Variants in ADAM19 observed in about 807,000 individuals in gnomAD.
The protein encoded by ADAM19 is ADAM metallopeptidase domain 19.
Under a neutral mutation model 114.7 loss-of-function variants are expected in ADAM19, and 65 were observed. The observed-to-expected ratio is 0.57, with a 90% confidence interval of 0.46 to 0.70. The LOEUF is 0.70. ADAM19 is among the 30% of genes least tolerant of loss of function. ADAM19 has a pLI of 0.00. For synonymous variants in ADAM19, 466 were observed against 460.5 expected, an observed-to-expected ratio of 1.01 and a Z score of -0.15; for missense variants, 1,063 against 1,204.7, an observed-to-expected ratio of 0.88 and a Z score of 1.74.
chr5:157,481,004 T>C lies in ADAM19; in HGVS notation c.2704-2A>G, dbSNP rs191340251. 1.9e-6 allele frequency: 3 copies of C among 1,613,982 alleles called. No individual in the cohort carries two copies. ...CCTCTGTGATCTGTATTCTGGAAAC[T>C]GGGAAGAAAAAGAAGGGAGGGAGAG... is the stretch of plus-strand genomic sequence containing the variant. On this transcript the variant is annotated splice_acceptor_variant, in intron 22 of 22. Coordinates refer to ENST00000257527, the MANE Select transcript of ADAM19 (RefSeq NM_033274.5). LOFTEE classifies it high-confidence loss of function.
At chr5:157,543,993 C>T (rs1466600698) in intron 3 of ADAM19, among the ~76,000 whole-genome samples, 2 of 152,238 alleles carry the variant, frequency 1.3e-5, no homozygotes, top group Non-Finnish European at 2.9e-5. Flanking sequence ...CATCAGTACT[C>T]ATTCCACCTC....
intron 3 of ADAM19, among the ~76,000 whole-genome samples, chr5:157,557,571 G>C (rs1479154296): frequency 2.0e-5 from 3 of 152,136 alleles, no homozygotes; most frequent in Non-Finnish European, 4.4e-5. Flanking sequence ...AGTCCATTCT[G>C]GCTGCTATAA....
At chr5:157,526,173 TACACACAC>T (rs35119605) in intron 5 of ADAM19, among the ~76,000 whole-genome samples, 8 of 109,300 alleles carry the variant, frequency 7.3e-5, no homozygotes, top group South Asian at 6.3e-4. Context: ...TATATATATA[TACACACAC>T]ACACACACAC....
chr5:157,488,758 A>G (rs1377489509), intron 20 of ADAM19, among the ~76,000 whole-genome samples: 1 of 152,182 alleles, frequency 6.6e-6, no homozygotes, highest in Non-Finnish European at 1.5e-5. Context: ...GCGGCCGGGC[A>G]TGGTGGCTCA....
At chr5:157,518,460 C>T (rs570685476) in intron 7 of ADAM19, among the ~76,000 whole-genome samples, 1 of 152,332 alleles carries the variant, frequency 6.6e-6, no homozygotes, top group African/African-American at 2.4e-5. Context: ...TCTCAGCTCA[C>T]TGCAACCTCC....
Position 157,537,937 on chromosome 5 carries a change from A to C in ADAM19, c.306T>G (p.Pro102=). Residue 102 remains proline, a synonymous_variant, in exon 4 of 23, where the codon CCT becomes CCG. Coordinates refer to ENST00000257527, the MANE Select transcript of ADAM19 (RefSeq NM_033274.5). ...TETHYTSSGN[P]QTTTRKLEDH... is the part of the protein sequence containing the mutation. ...CCTCCAATTTCCGTGTGGTGGTTTG[A>C]GGGTTACCACTTGAAGTATAATGGG... The C allele has an allele frequency of 1.2e-6, 2 of 1,614,124 alleles. No homozygotes were observed. The highest frequency in any genetic ancestry group is 1.7e-6 in the Non-Finnish European group (2 of 1,179,998).
At chr5:157,517,346 C>T (rs1403979073) in intron 7 of ADAM19, among the ~76,000 whole-genome samples, 2 of 152,204 alleles carry the variant, frequency 1.3e-5, no homozygotes, top group Admixed American at 1.3e-4. Context: ...GAGACCAAGG[C>T]CAGTGTCTGC....
At chr5:157,529,187 G>T (rs373564241) in intron 5 of ADAM19, among the ~76,000 whole-genome samples, 1 of 152,132 alleles carries the variant, frequency 6.6e-6, no homozygotes, top group Non-Finnish European at 1.5e-5. Flanking sequence ...GTCTCACACT[G>T]AGCCTGTGTA....
At chr5:157,499,700 C>G in intron 12 of ADAM19, 38 bp from the exon 13 acceptor site, 2 of 1,395,940 alleles carry the variant, frequency 1.4e-6, no homozygotes, top group South Asian at 1.2e-5. Flanking sequence ...TGGGGGAGGG[C>G]CTTCACCACC....
intron 5 of ADAM19, among the ~76,000 whole-genome samples, chr5:157,520,645 A>C (rs1220828379): frequency 6.6e-6 from 1 of 152,198 alleles, no homozygotes; most frequent in Non-Finnish European, 1.5e-5. Context: ...ATGATAACTT[A>C]TCAAGACTAC....
At chr5:157,488,601 T>C in intron 20 of ADAM19, 112 bp from the exon 21 acceptor site, 1 of 835,876 alleles carries the variant, frequency 1.2e-6, no homozygotes, top group Non-Finnish European at 1.8e-6. Flanking sequence ...ACCAATCTAT[T>C]AAACCCCTGA....
At chr5:157,497,681 C>T (rs1755409696) in intron 13 of ADAM19, among the ~76,000 whole-genome samples, 1 of 152,144 alleles carries the variant, frequency 6.6e-6, no homozygotes, top group African/African-American at 2.4e-5. Flanking sequence ...AGGCACTGGG[C>T]TGAGTGTGTG....
At chr5:157,536,956 C>A (rs1466886040) in intron 4 of ADAM19, among the ~76,000 whole-genome samples, 1 of 152,198 alleles carries the variant, frequency 6.6e-6, no homozygotes, top group African/African-American at 2.4e-5. Context: ...CCCTTCTTCA[C>A]CCCCATCTCA....
intron 3 of ADAM19, among the ~76,000 whole-genome samples, chr5:157,549,214 AC>A (rs935966240): frequency 2.0e-5 from 3 of 152,194 alleles, no homozygotes; most frequent in African/African-American, 7.2e-5. Context: ...TACTTCCCTG[AC>A]CACATGGGTC....
intron 12 of ADAM19, 112 bp from the exon 13 acceptor site, chr5:157,499,774 T>C (rs989472761): frequency 1.1e-4 from 9 of 85,440 alleles, no homozygotes; most frequent in South Asian, 3.2e-4. Context: ...CAACTATCTC[T>C]TTTTTTTTTT....
chr5:157,515,861 G>A (rs761696709), intron 7 of ADAM19, among the ~76,000 whole-genome samples: 1 of 152,122 alleles, frequency 6.6e-6, no homozygotes, highest in Non-Finnish European at 1.5e-5. Flanking sequence ...GTTCCACCTG[G>A]GGAATGAATA....
intron 3 of ADAM19, among the ~76,000 whole-genome samples, chr5:157,552,650 G>C (rs1352490862): frequency 1.5e-5 from 2 of 136,764 alleles, no homozygotes; most frequent in African/African-American, 5.6e-5. Context: ...TTGCATTCCA[G>C]CCTGGGTGAC....
intron 5 of ADAM19, among the ~76,000 whole-genome samples, chr5:157,530,220 A>G (rs1488694497): frequency 8.5e-6 from 1 of 117,724 alleles, no homozygotes; most frequent in Non-Finnish European, 1.8e-5. Context: ...CTAGCCATTT[A>G]TTTTATGGGC....
At chr5:157,541,953 A>C (rs954354261) in intron 3 of ADAM19, among the ~76,000 whole-genome samples, 2 of 152,228 alleles carry the variant, frequency 1.3e-5, no homozygotes, top group Non-Finnish European at 2.9e-5. Context: ...AGACGAGCTC[A>C]GCATAGGCGA....
Sources: gnomAD v4.1 joint callset for allele counts (sites outside exome capture counted in the v4.1 genomes callset) on GRCh38, gnomAD v4.1.1 for gene constraint, MANE v1.5 for transcripts, NCBI Gene and HGNC (gene_info 2026-07-23, HGNC 2026-07-21) for gene names.